CABP5: variants seen among roughly 807,000 people sequenced by gnomAD.
CABP5 encodes the protein calcium binding protein 5, also known as calcium-binding protein 5.
CABP5 carries 17 observed loss-of-function variants against 21.9 expected under a neutral mutation model. That is an observed-to-expected ratio of 0.78 (90% CI 0.53 to 1.17). The LOEUF is 1.17. CABP5 is among the 50% of genes most tolerant of loss of function. The pLI is 0.00. For synonymous variants in CABP5, 85 were observed against 79.4 expected (o/e 1.07, Z -0.37); for missense variants, 229 against 228.9 (o/e 1.00, Z 0.00).
intron 1 of CABP5, among the ~76,000 whole-genome samples, 190 bp from the exon 2 acceptor site, chr19:48,041,793 C>A (rs552294735): frequency 6.6e-6 from 1 of 152,032 alleles, no homozygotes; most frequent in South Asian, 2.1e-4. Context: ...TCCCCACCCC[C>A]CTCTCGATGT....
chr19:48,029,794 C>CAGAGAG lies in CABP5; in HGVS notation c.*762_*763insCTCTCT, dbSNP rs1404400701. Among the ~76,000 whole-genome samples, 391 of 85,394 alleles carry CAGAGAG rather than the reference C, an allele frequency of 4.6e-3. 1 individual carries two copies. The highest frequency in any genetic ancestry group is 0.019 in the Middle Eastern group (3 of 154). 56.0% of individuals were successfully genotyped at this position (85,394 alleles called of 152,430 possible). On this transcript the variant is annotated 3_prime_UTR_variant, in exon 6 of 6. Transcript: ENST00000293255. ...ATGTGGGAGGGGAGACAGAGACAGA[C>CAGAGAG]AGACAGAGAGAGAGAGAGAGAGAGA...
At chr19:48,039,348 C>A in intron 3 of CABP5, 31 bp from the exon 4 acceptor site, 1 of 1,548,306 alleles carries the variant, frequency 6.5e-7, no homozygotes, top group Non-Finnish European at 8.9e-7. Flanking sequence ...TTAGCGAGAC[C>A]CCACAAGCCC....
chr19:48,037,285 T>TTTTTTTTTTTTTTG (rs1967422079), intron 4 of CABP5, among the ~76,000 whole-genome samples: 2 of 131,578 alleles, frequency 1.5e-5, no homozygotes, highest in South Asian at 2.4e-4. Flanking sequence ...TTTTTTTTTT[T>TTTTTTTTTTTTTTG]GAGGTGGAGT....
intron 3 of CABP5, among the ~76,000 whole-genome samples, chr19:48,039,702 G>GTTT (rs1185053256): frequency 5.5e-5 from 4 of 73,038 alleles, no homozygotes; most frequent in Non-Finnish European, 1.1e-4. Flanking sequence ...AAACCCAATA[G>GTTT]CTTTTTTTTT....
At chr19:48,032,643 CT>C (rs1333569414) in intron 5 of CABP5, among the ~76,000 whole-genome samples, 1 of 148,014 alleles carries the variant, frequency 6.8e-6, no homozygotes, top group African/African-American at 2.5e-5. Context: ...TTCTTTTTTT[CT>C]TTTTTTGAGA....
intron 1 of CABP5, 44 bp downstream of exon 1, chr19:48,043,816 C>T (rs751820873): frequency 6.9e-7 from 1 of 1,451,034 alleles, no homozygotes; most frequent in Non-Finnish European, 9.1e-7. Context: ...ACCCCTGCTC[C>T]CTTTGCCCCG....
chr19:48,038,657 T>TC (rs1967441244), intron 4 of CABP5, among the ~76,000 whole-genome samples: 1 of 152,048 alleles, frequency 6.6e-6, no homozygotes, highest in African/African-American at 2.4e-5. Flanking sequence ...TGAAACCCCG[T>TC]CTCTACGAAA....
intron 1 of CABP5, among the ~76,000 whole-genome samples, chr19:48,041,983 C>T (rs187759438): frequency 6.6e-6 from 1 of 152,282 alleles, no homozygotes; most frequent in Non-Finnish European, 1.5e-5. Flanking sequence ...GCAGTTTCCA[C>T]AATCATTTCA....
In CABP5 at chr19:48,039,192, G is replaced by A. The variant is rs1234135307; in HGVS notation, c.348+16C>T. 3 of 1,592,320 alleles carry A rather than the reference G, an allele frequency of 1.9e-6. No homozygotes were observed. Among genetic ancestry groups the A allele is most frequent in the Non-Finnish European group, 2.6e-6 (3 of 1,160,122 alleles). The stretch of plus-strand genomic sequence containing the variant: ...CTGCCTCTACCATCACCAGCACCAT[G>A]ACACTGTTAACTCACCTCCTTGAAG... On this transcript the variant is annotated intron_variant, in intron 4 of 5. Transcript: ENST00000293255.
At position 48,034,408 on chromosome 19, in the gene CABP5, T is replaced by C. The variant is rs533602168; in HGVS notation, c.349-46A>G. ...ATTATATCAGCAATGACAATGATGA[T>C]AGCCACGAGATGATGGAGTTTACCT... On this transcript the variant is annotated intron_variant, in intron 4 of 5. Coordinates refer to ENST00000293255, the MANE Select transcript of CABP5 (RefSeq NM_019855.5). The C allele has an allele frequency of 4.3e-6, 6 of 1,399,064 alleles. No individual in the cohort carries two copies. In the African/African-American group the frequency reaches 4.4e-5, roughly 10 times the overall value. 86.7% of individuals were successfully genotyped at this position (1,399,064 alleles called of 1,614,324 possible).
At chr19:48,033,010 C>A (rs1473710269) in intron 5 of CABP5, among the ~76,000 whole-genome samples, 2 of 138,546 alleles carry the variant, frequency 1.4e-5, no homozygotes, top group Non-Finnish European at 3.0e-5. Context: ...TAGAACTTGA[C>A]ATGCTTTTTT....
At chr19:48,038,581 C>T (rs1326724687) in intron 4 of CABP5, among the ~76,000 whole-genome samples, 1 of 152,140 alleles carries the variant, frequency 6.6e-6, no homozygotes, top group East Asian at 1.9e-4. Flanking sequence ...AATCCCAGCA[C>T]TTTGGGAGAC....
rs931688045 is a variant in CABP5 at position 48,043,988 on chromosome 19, G to A, written c.-66C>T. On this transcript the variant is annotated 5_prime_UTR_variant, in exon 1 of 6. Coordinates refer to ENST00000293255, the MANE Select transcript of CABP5 (RefSeq NM_019855.5). ...TGGCCCCTCCTCCCTGCTCCCTGTC[G>A]GAGCTCAGCCTCCTTATCTTCTCCA... The A allele has an allele frequency of 2.2e-5, 31 of 1,394,500 alleles. No individual in the cohort carries two copies. The highest frequency in any genetic ancestry group is 3.0e-5 in the African/African-American group (2 of 65,732). The allele number at this position is 1,394,500 out of a possible 1,614,324, so 86.4% of individuals were successfully genotyped here.
chr19:48,035,224 T>G (rs1247302031), intron 4 of CABP5, among the ~76,000 whole-genome samples: 1 of 152,336 alleles, frequency 6.6e-6, no homozygotes, highest in East Asian at 1.9e-4. Flanking sequence ...TTTGTCCTTT[T>G]GTGCCTGGCT....
chr19:48,040,689 C>A lies in CABP5; in HGVS notation c.154G>T (p.Asp52Tyr), dbSNP rs1967469596. 1 of 1,614,034 alleles carries A rather than the reference C, an allele frequency of 6.2e-7. No homozygotes were observed. Among genetic ancestry groups the A allele is most frequent in the Non-Finnish European group, 8.5e-7 (1 of 1,179,964 alleles). ...KDRDGFISCK[D>Y]LGNLMRTMGY... ...ATCGTCCTCATGAGATTCCCCAGAT[C>A]CTTACAAGAGATGAACCCATCTCGG... The change falls in exon 3 of 6, where the codon GAT becomes TAT. Residue 52 changes from aspartate to tyrosine, a missense_variant. Asp to Tyr is a radical substitution (Grantham distance 160). Coordinates refer to ENST00000293255, the MANE Select transcript of CABP5 (RefSeq NM_019855.5).
chr19:48,035,697 C>G (rs1009450238), intron 4 of CABP5, among the ~76,000 whole-genome samples: 10 of 152,248 alleles, frequency 6.6e-5, no homozygotes, highest in South Asian at 4.1e-4. Context: ...TAACAAGTGC[C>G]GTAAGGCAGG....
intron 2 of CABP5, 93 bp downstream of exon 2, chr19:48,041,479 TG>T: frequency 8.3e-7 from 1 of 1,202,956 alleles, no homozygotes; most frequent in Non-Finnish European, 1.2e-6. Context: ...AAAAATTCCA[TG>T]TAATGGAATT....
At chr19:48,035,159 T>C (rs961732278) in intron 4 of CABP5, among the ~76,000 whole-genome samples, 1 of 152,228 alleles carries the variant, frequency 6.6e-6, no homozygotes, top group Non-Finnish European at 1.5e-5. Context: ...ACCACCTTTC[T>C]TTTTATTTGC....
Position 48,040,742 on chromosome 19 carries a change from C to T in CABP5, c.101G>A (p.Arg34Gln), listed in dbSNP as rs769174719. ...PLGQDEIEEL[R>Q]EAFLEFDKDR... ...CTTATCGAACTCAAGAAATGCTTCC[C>T]GCAGCTCTGAAAGTTAAGAGAGAAC... Residue 34 changes from arginine (R) to glutamine (Q), a missense_variant, in exon 3 of 6, where the codon CGG becomes CAG. Coordinates refer to ENST00000293255, the MANE Select transcript of CABP5 (RefSeq NM_019855.5). The T allele has an allele frequency of 3.2e-5, 51 of 1,613,784 alleles. No individual in the cohort carries two copies. The highest frequency in any genetic ancestry group is 1.6e-4 in the South Asian group (15 of 91,060).
Sources: gnomAD v4.1 joint callset for allele counts (sites outside exome capture counted in the v4.1 genomes callset) on GRCh38, gnomAD v4.1.1 for gene constraint, MANE v1.5 for transcripts, NCBI Gene and HGNC (gene_info 2026-07-23, HGNC 2026-07-21) for gene names.